Variants in CSMD2 observed in about 807,000 individuals in gnomAD.
The protein encoded by CSMD2 is CUB and Sushi multiple domains 2.
Under a neutral mutation model 398.5 loss-of-function variants are expected in CSMD2, and 130 were observed. The ratio of observed to expected loss-of-function variants is 0.33; its 90% CI spans 0.28 to 0.38. CSMD2 has a LOEUF of 0.38. CSMD2 is among the 10% of genes least tolerant of loss of function. The pLI is 1.00. For synonymous variants in CSMD2, 1,828 were observed against 1,908.5 expected, an observed-to-expected ratio of 0.96 and a Z score of 1.10; for missense variants, 3,829 against 4,764.9, an observed-to-expected ratio of 0.80 and a Z score of 5.78.
intron 1 of CSMD2, among the ~76,000 whole-genome samples, chr1:34,126,219 C>T (rs1443563041): frequency 6.6e-6 from 1 of 152,206 alleles, no homozygotes; most frequent in African/African-American, 2.4e-5. Context: ...ATCCTTGTCT[C>T]AGGTCTGCCT....
At chr1:33,550,136 G>A (rs1657300911) in intron 56 of CSMD2, 41 bp downstream of exon 56, 2 of 1,590,638 alleles carry the variant, frequency 1.3e-6, no homozygotes, top group African/African-American at 1.3e-5. Context: ...CATCAGTCAA[G>A]CATTCCACTG....
At chr1:33,804,553 CTT>C (rs201570810) in intron 10 of CSMD2, among the ~76,000 whole-genome samples, 2 of 146,564 alleles carry the variant, frequency 1.4e-5, no homozygotes. Context: ...TACCTGCACT[CTT>C]TTTTTTTTTT....
intron 3 of CSMD2, among the ~76,000 whole-genome samples, chr1:34,003,163 T>TC (rs1456220177): frequency 6.9e-6 from 1 of 144,162 alleles, no homozygotes; most frequent in Non-Finnish European, 1.5e-5. Flanking sequence ...CCTCCCTCCC[T>TC]CCCATCCATG....
intron 1 of CSMD2, among the ~76,000 whole-genome samples, chr1:34,132,810 T>G (rs532521067): frequency 7.2e-5 from 11 of 152,320 alleles, no homozygotes; most frequent in African/African-American, 2.4e-4. Context: ...CCCACATCCC[T>G]TTCCTCAGGC....
At position 33,611,234 on chromosome 1, in the gene CSMD2, G is replaced by A. The variant is rs747754155; in HGVS notation, c.6150C>T (p.Phe2050=). 6.2e-7 allele frequency: 1 copy of A among 1,613,932 alleles called. No individual in the cohort carries two copies. The highest frequency in any genetic ancestry group is 1.1e-5 in the South Asian group (1 of 90,976). ...GGTTGGGCTCGGTGGAGAAGTTCAG[G>A]AACTGGATGTGAGCTCCTGGGAGCA... is the stretch of plus-strand genomic sequence containing the variant. ...LPVGFGAHIQ[F]LNFSTEPNHD... The change falls in exon 41 of 71, where the codon TTC becomes TTT. Residue 2050 remains phenylalanine (F), a synonymous_variant. Transcript: ENST00000373381.
Position 33,527,259 on chromosome 1 carries a change from C to T in CSMD2, c.10172-1G>A, listed in dbSNP as rs754279246. 1 of 1,610,584 alleles carries T rather than the reference C, an allele frequency of 6.2e-7. No individual in the cohort carries two copies. Among genetic ancestry groups the T allele is most frequent in the Admixed American group, 1.7e-5 (1 of 59,288 alleles). On this transcript the variant is annotated splice_acceptor_variant, in intron 64 of 70. Transcript: ENST00000373381. LOFTEE classifies it high-confidence loss of function. ...ATGGGTCTCCCACTGGGCCGGACCT[C>T]TGCTGGGGAAAAAGAGTGGAAGAAA...
Position 34,110,933 on chromosome 1 carries a change from A to G in CSMD2, c.188-21740T>C, listed in dbSNP as rs368405634. ...TAAAATAAAATGAAATAAAATATTA[A>G]CTAACCCCCTACTTCCATCGCTGGC... On this transcript the variant is annotated intron_variant, in intron 1 of 70. Coordinates refer to ENST00000373381, the MANE Select transcript of CSMD2 (RefSeq NM_001281956.2). 1.7e-3 allele frequency among the ~76,000 whole-genome samples: 262 copies of G among 152,320 alleles called. 1 individual carries two copies. Among genetic ancestry groups the G allele is most frequent in the African/African-American group, 6.1e-3 (252 of 41,574 alleles).
intron 6 of CSMD2, among the ~76,000 whole-genome samples, chr1:33,829,589 A>C (rs1967734): frequency 0.78 from 118,585 of 152,074 alleles, 47,134 homozygotes; most frequent in East Asian, 0.94. Flanking sequence ...ACGCAGAAGA[A>C]GGGTGATTTC....
intron 2 of CSMD2, among the ~76,000 whole-genome samples, chr1:34,053,297 T>C (rs906495937): frequency 2.0e-5 from 3 of 152,128 alleles, no homozygotes; most frequent in African/African-American, 7.2e-5. Flanking sequence ...CAGGGACAAT[T>C]AGAATGATGT....
At chr1:33,592,300 T>C (rs1639513524) in intron 44 of CSMD2, 1 of 704,960 alleles carries the variant, frequency 1.4e-6, no homozygotes, top group Non-Finnish European at 2.6e-6. Context: ...CTTGGATTTT[T>C]ATCTTTTCAG....
intron 8 of CSMD2, 72 bp from the exon 9 acceptor site, chr1:33,819,909 C>T: frequency 6.3e-7 from 1 of 1,586,724 alleles, no homozygotes; most frequent in Non-Finnish European, 8.6e-7. Context: ...CTTCCTGGTT[C>T]CACAAAGAAG....
intron 13 of CSMD2, among the ~76,000 whole-genome samples, chr1:33,749,732 G>A (rs1647950077): frequency 6.6e-6 from 1 of 152,098 alleles, no homozygotes; most frequent in Admixed American, 6.6e-5. Context: ...TAAAAGAATA[G>A]TATACATAAC....
intron 13 of CSMD2, among the ~76,000 whole-genome samples, chr1:33,760,003 T>C (rs1649609975): frequency 6.6e-6 from 1 of 152,210 alleles, no homozygotes; most frequent in South Asian, 2.1e-4. Flanking sequence ...CTGAAGCTCA[T>C]TGGTAGGGGT....
chr1:33,521,425 A>T lies in CSMD2; in HGVS notation c.10597+38T>A. The T allele has an allele frequency of 2.7e-6, 2 of 737,072 alleles. 1 individual carries two copies. The highest frequency in any genetic ancestry group is 5.0e-6 in the Non-Finnish European group (2 of 402,294). 45.7% of individuals were successfully genotyped at this position (737,072 alleles called of 1,614,324 possible). On this transcript the variant is annotated intron_variant, in intron 68 of 70. Transcript: ENST00000373381. Reference sequence around the variant, plus strand: ...GGCACACACGGTTTCTCTCCCACCCACCCGGGCCCACACTTCCGGGGGACA... The same window carrying T: ...GGCACACACGGTTTCTCTCCCACCCTCCCGGGCCCACACTTCCGGGGGACA...
intron 3 of CSMD2, among the ~76,000 whole-genome samples, chr1:33,976,882 G>A (rs1185279479): frequency 6.6e-6 from 1 of 152,104 alleles, no homozygotes; most frequent in African/African-American, 2.4e-5. Context: ...ACTGGTATTG[G>A]TTCTTTACCC....
intron 1 of CSMD2, among the ~76,000 whole-genome samples, chr1:34,091,139 A>G (rs7556524): frequency 0.01 from 1,530 of 152,222 alleles, 22 homozygotes; most frequent in African/African-American, 0.033. Flanking sequence ...GTAAATCTCC[A>G]TGCTTCCAAG....
chr1:34,129,007 C>A (rs902685384), intron 1 of CSMD2, among the ~76,000 whole-genome samples: 3 of 101,080 alleles, frequency 3.0e-5, no homozygotes, highest in Non-Finnish European at 6.3e-5. Context: ...ATGTGTACCC[C>A]CCCCCACACA....
intron 44 of CSMD2, chr1:33,599,673 A>T (rs1640080965): frequency 6.5e-6 from 1 of 153,772 alleles, no homozygotes; most frequent in South Asian, 2.0e-4. Flanking sequence ...CCTGGATTTC[A>T]TTAGTGGAGC....
rs1394732362 is a variant in CSMD2 at position 33,635,287 on chromosome 1, C to A, written c.5013G>T (p.Leu1671Phe). 1.2e-6 allele frequency: 2 copies of A among 1,612,760 alleles called. No homozygotes were observed. Among genetic ancestry groups the A allele is most frequent in the East Asian group, 2.2e-5 (1 of 44,770 alleles). ...TGTAGTTCTGGGGGTAGTTGGGGGA[C>A]AAGACCACTCCGTCCGAACCCACAT... ...GQYVGSDGVV[L>F]SPNYPQNYTS... Residue 1671 changes from leucine (L) to phenylalanine (F), a missense_variant, in exon 31 of 71, where the codon TTG (leucine) becomes TTT (phenylalanine). This residue lies in a region of CSMD2 where 2,001 missense variants were observed against 2,567.1 expected (regional missense o/e 0.78). Coordinates refer to ENST00000373381, the MANE Select transcript of CSMD2 (RefSeq NM_001281956.2). This position sits in a 1 kb window ranked among gnomAD's most constrained non-coding sequence, Gnocchi z 5.0.
Sources: gnomAD v4.1 joint callset for allele counts (sites outside exome capture counted in the v4.1 genomes callset) on GRCh38, gnomAD v4.1.1 for gene constraint, gnomAD v4.1.1 regional missense constraint, Gnocchi (gnomAD v3.1) non-coding constraint, MANE v1.5 for transcripts, NCBI Gene and HGNC (gene_info 2026-07-23, HGNC 2026-07-21) for gene names.